PTAR1: variants seen among roughly 807,000 people sequenced by gnomAD.
PTAR1 encodes the protein protein prenyltransferase alpha subunit repeat-containing protein 1.
PTAR1 carries 17 observed loss-of-function variants against 45.5 expected under a neutral mutation model. The ratio of observed to expected loss-of-function variants is 0.37; its 90% CI spans 0.26 to 0.56. The LOEUF (loss-of-function observed/expected upper bound fraction) is 0.56, where lower values mean the gene tolerates loss of function less well. Among genes scored for constraint, PTAR1 ranks in the 20% least tolerant of loss-of-function variants. The pLI, the probability that PTAR1 is intolerant of heterozygous loss-of-function variation, is 0.77. For synonymous variants in PTAR1, 169 were observed against 171.3 expected, an observed-to-expected ratio of 0.99 and a Z score of 0.11; for missense variants, 391 against 476.3, an observed-to-expected ratio of 0.82 and a Z score of 1.67.
Position 69,712,092 on chromosome 9 carries a change from T to C in PTAR1, c.*6250A>G, listed in dbSNP as rs1361188410. On this transcript the variant is annotated 3_prime_UTR_variant, in exon 8 of 8. Coordinates refer to ENST00000340434, the MANE Select transcript of PTAR1 (RefSeq NM_001099666.2). ...GCTCCTTGAATCAATATCTGCCATA[T>C]GAAATTATATGACAAGTAAACCTCA... 3.3e-5 allele frequency: 5 copies of C among 152,148 alleles called. No homozygotes were observed. Among genetic ancestry groups the C allele is most frequent in the Admixed American group, 2.6e-4 (4 of 15,250 alleles). The allele number at this position is 152,148 out of a possible 1,614,324, so 9.4% of individuals were successfully genotyped here.
At chr9:69,731,166 A>G (rs539579347) in intron 5 of PTAR1, among the ~76,000 whole-genome samples, 7 of 152,242 alleles carry the variant, frequency 4.6e-5, no homozygotes, top group African/African-American at 1.7e-4. Context: ...CTGGAAGTAA[A>G]AAGTCTCCCA....
At position 69,716,316 on chromosome 9, in the gene PTAR1, C is replaced by G. The variant is rs933318115; in HGVS notation, c.*2026G>C. ...TTTATCCATAGAGGTCTAGGTGGAC[C>G]TTGAGGTATTTAATTCAAAATATGC... On this transcript the variant is annotated 3_prime_UTR_variant, in exon 8 of 8. Transcript: ENST00000340434. 6.6e-6 allele frequency: 1 copy of G among 151,972 alleles called. No homozygotes were observed. The highest frequency in any genetic ancestry group is 1.9e-4 in the East Asian group (1 of 5,172). The allele number at this position is 151,972 out of a possible 1,614,324, so 9.4% of individuals were successfully genotyped here. A position where few individuals can be genotyped will look rare whatever the true frequency, so the allele number is the denominator to read the frequency against.
At chr9:69,722,346 G>T (rs141557648) in intron 6 of PTAR1, among the ~76,000 whole-genome samples, 61 of 152,264 alleles carry the variant, frequency 4.0e-4, no homozygotes, top group Admixed American at 1.0e-3. Flanking sequence ...AGATCCAAAA[G>T]AAATGAAGCT....
At chr9:69,740,160 T>C (rs1825977116) in intron 3 of PTAR1, among the ~76,000 whole-genome samples, 1 of 152,174 alleles carries the variant, frequency 6.6e-6, no homozygotes, top group African/African-American at 2.4e-5. Context: ...GTTTATAGGA[T>C]ATACAATGAA....
chr9:69,749,424 AACT>A (rs1479183213), intron 2 of PTAR1, among the ~76,000 whole-genome samples: 1 of 152,150 alleles, frequency 6.6e-6, no homozygotes, highest in Non-Finnish European at 1.5e-5. Flanking sequence ...TGTTACTGAA[AACT>A]ACAGCACGGT....
chr9:69,750,661 A>G, intron 2 of PTAR1, 120 bp downstream of exon 2: 1 of 719,510 alleles, frequency 1.4e-6, no homozygotes, highest in Non-Finnish European at 2.2e-6. Flanking sequence ...ACCCACCGAG[A>G]CAGTGAACAG....
chr9:69,745,742 A>G (rs1345150366), intron 2 of PTAR1, among the ~76,000 whole-genome samples: 1 of 152,160 alleles, frequency 6.6e-6, no homozygotes, highest in Non-Finnish European at 1.5e-5. Flanking sequence ...CTAGGCCTTA[A>G]TGTCCTTCTC....
At chr9:69,738,748 A>G (rs1825904840) in intron 3 of PTAR1, among the ~76,000 whole-genome samples, 1 of 151,942 alleles carries the variant, frequency 6.6e-6, no homozygotes, top group Admixed American at 6.6e-5. Flanking sequence ...AGAAACCACA[A>G]TGTGGGTGCT....
intron 1 of PTAR1, among the ~76,000 whole-genome samples, chr9:69,755,039 T>A (rs886328900): frequency 6.6e-6 from 1 of 152,168 alleles, no homozygotes; most frequent in African/African-American, 2.4e-5. Flanking sequence ...GTTATTTCTT[T>A]ACAAAATAGT....
chr9:69,736,153 A>G (rs911714657), intron 3 of PTAR1, among the ~76,000 whole-genome samples: 1 of 152,158 alleles, frequency 6.6e-6, no homozygotes, highest in Admixed American at 6.5e-5. Context: ...CTGCAACATC[A>G]GCATCATCTG....
intron 3 of PTAR1, among the ~76,000 whole-genome samples, chr9:69,735,029 T>G (rs1359785249): frequency 6.6e-6 from 1 of 152,220 alleles, no homozygotes; most frequent in East Asian, 1.9e-4. Flanking sequence ...TGCTTATAAC[T>G]TCTTTCTTTT....
intron 3 of PTAR1, among the ~76,000 whole-genome samples, chr9:69,735,497 G>A (rs1017278639): frequency 3.9e-5 from 6 of 152,082 alleles, no homozygotes; most frequent in Non-Finnish European, 7.4e-5. Context: ...TTCTATCTGC[G>A]GTTGGTTGAA....
intron 2 of PTAR1, among the ~76,000 whole-genome samples, chr9:69,748,142 C>G (rs982667257): frequency 2.0e-5 from 3 of 152,046 alleles, no homozygotes; most frequent in African/African-American, 4.8e-5. Flanking sequence ...AAGGCCTGGT[C>G]AGCCAAAGAA....
chr9:69,723,463 A>T lies in PTAR1; in HGVS notation c.810T>A (p.Val270=), dbSNP rs867275628. The change falls in exon 6 of 8, where the codon GTT becomes GTA. Residue 270 remains valine, a synonymous_variant. Transcript: ENST00000340434. ...QNPLRSEPAL[V]PPKDEEAAVS... Reference sequence around the variant, plus strand: ...CTGCTGCTTCTTCATCTTTTGGAGGAACTAGGGCTGGCTCACTTCTCAAAG... The same window carrying T: ...CTGCTGCTTCTTCATCTTTTGGAGGTACTAGGGCTGGCTCACTTCTCAAAG... 6.2e-7 allele frequency: 1 copy of T among 1,613,850 alleles called. No homozygotes were observed.
chr9:69,737,854 T>G (rs1044872703), intron 3 of PTAR1, among the ~76,000 whole-genome samples: 10 of 152,194 alleles, frequency 6.6e-5, no homozygotes, highest in African/African-American at 2.4e-4. Flanking sequence ...TAGTTTCAGG[T>G]TCGTAAACAA....
At position 69,718,205 on chromosome 9, in the gene PTAR1, T is replaced by G; in HGVS notation, c.*137A>C. The G allele has an allele frequency of 3.6e-6, 2 of 550,640 alleles. No individual in the cohort carries two copies. Among genetic ancestry groups the G allele is most frequent in the Non-Finnish European group, 6.2e-6 (2 of 320,942 alleles). The allele number at this position is 550,640 out of a possible 1,614,324, so 34.1% of individuals were successfully genotyped here. On this transcript the variant is annotated 3_prime_UTR_variant, in exon 8 of 8. Transcript: ENST00000340434. ...TAACAAAATAAATAAAATGAAAGAT[T>G]TACTATGGACTTTCAACCTAAAGAC...
chr9:69,726,792 A>C (rs1445212023), intron 5 of PTAR1, among the ~76,000 whole-genome samples: 2 of 151,784 alleles, frequency 1.3e-5, no homozygotes, highest in African/African-American at 4.8e-5. Context: ...CTAATTTACT[A>C]TTTGTGATAG....
In PTAR1 at chr9:69,756,346, A is replaced by C. The variant is rs747502560; in HGVS notation, c.86+3507T>G. Among the ~76,000 whole-genome samples the C allele has an allele frequency of 2.0e-4, 31 of 152,144 alleles. 1 individual carries two copies. Among genetic ancestry groups the C allele is most frequent in the Admixed American group, 2.0e-4 (3 of 15,278 alleles). ...ATTGGGTCTCCCTGTTTTTATTCTA[A>C]GTACCCTTCTTACTTTTTATGACTC... On this transcript the variant is annotated intron_variant, in intron 1 of 7. Transcript: ENST00000340434.
intron 1 of PTAR1, among the ~76,000 whole-genome samples, chr9:69,752,495 T>C (rs1826575599): frequency 6.6e-6 from 1 of 152,120 alleles, no homozygotes; most frequent in Non-Finnish European, 1.5e-5. Context: ...TCAAGAAGAC[T>C]GTGGGATCTA....
Sources: gnomAD v4.1 joint callset for allele counts (sites outside exome capture counted in the v4.1 genomes callset) on GRCh38, gnomAD v4.1.1 for gene constraint, MANE v1.5 for transcripts, NCBI Gene and HGNC (gene_info 2026-07-23, HGNC 2026-07-21) for gene names.